PDE5A: variants seen among roughly 807,000 people sequenced by gnomAD.
PDE5A encodes the protein phosphodiesterase 5A, also known as cGMP-specific 3',5'-cyclic phosphodiesterase.
In PDE5A, 67 loss-of-function variants were observed where a neutral mutation model predicts 110.2. That is an observed-to-expected ratio of 0.61 (90% CI 0.50 to 0.75). The LOEUF is 0.75. Ranked by LOEUF, PDE5A falls within the 30% of genes least tolerant of loss-of-function variation. The probability of loss-of-function intolerance (pLI) is 0.00; values close to 1 mark genes in which losing one functional copy is unlikely to be tolerated. For synonymous variants in PDE5A, 328 were observed against 351.2 expected (o/e 0.93, Z 0.74); for missense variants, 862 against 1,045.1 (o/e 0.82, Z 2.42).
At position 119,627,947 on chromosome 4, in the gene PDE5A, G is replaced by A; in HGVS notation, c.152+573C>T. 1 of 615,926 alleles carries A rather than the reference G, an allele frequency of 1.6e-6. No homozygotes were observed. Among genetic ancestry groups the A allele is most frequent in the Non-Finnish European group, 2.0e-6 (1 of 491,592 alleles). 38.2% of individuals were successfully genotyped at this position (615,926 alleles called of 1,614,324 possible). A position where few individuals can be genotyped will look rare whatever the true frequency, so the allele number is the denominator to read the frequency against. Reference sequence around the variant, plus strand: ...CGGAAAAGCGAGTGAAAGGAGGCGCGCGGGACAAGCAGGAGACTGGAAGGG... The same window carrying A: ...CGGAAAAGCGAGTGAAAGGAGGCGCACGGGACAAGCAGGAGACTGGAAGGG... On this transcript the variant is annotated intron_variant, in intron 1 of 20. Transcript: ENST00000354960. The surrounding 1 kb of genome is among the most constrained non-coding windows in gnomAD (Gnocchi z 4.6).
chr4:119,508,131 G>A lies in PDE5A; in HGVS notation c.2089-427C>T, dbSNP rs183076993. 1.5e-3 allele frequency among the ~76,000 whole-genome samples: 233 copies of A among 151,948 alleles called. 1 individual carries two copies. The highest frequency in any genetic ancestry group is 3.4e-3 in the Middle Eastern group (1 of 294). ...TTAAATAAATCCAGTAACATTTCTG[G>A]TGCAAATTTATATAATTTTAACTTG... On this transcript the variant is annotated intron_variant, in intron 15 of 20. Transcript: ENST00000354960.
chr4:119,610,548 C>T (rs1310354260), intron 1 of PDE5A, among the ~76,000 whole-genome samples: 3 of 152,138 alleles, frequency 2.0e-5, no homozygotes, highest in Non-Finnish European at 2.9e-5. Context: ...GACAACTCCA[C>T]GTGGATATCT....
At chr4:119,513,361 A>G (rs1725812342) in intron 14 of PDE5A, among the ~76,000 whole-genome samples, 1 of 152,062 alleles carries the variant, frequency 6.6e-6, no homozygotes, top group Non-Finnish European at 1.5e-5. Flanking sequence ...GTCTTATTTC[A>G]TAAGACTCCT....
intron 15 of PDE5A, among the ~76,000 whole-genome samples, chr4:119,508,551 G>C (rs1725633780): frequency 6.6e-6 from 1 of 151,838 alleles, no homozygotes; most frequent in Admixed American, 6.6e-5. Flanking sequence ...AGAACTTCTG[G>C]GTATGTTAGG....
chr4:119,512,049 G>A (rs982503290), intron 14 of PDE5A, among the ~76,000 whole-genome samples: 1 of 151,940 alleles, frequency 6.6e-6, no homozygotes, highest in Non-Finnish European at 1.5e-5. Context: ...TACAAGTGTT[G>A]GATAATACAA....
chr4:119,517,885 C>T (rs1209510058), intron 14 of PDE5A, among the ~76,000 whole-genome samples: 2 of 152,038 alleles, frequency 1.3e-5, no homozygotes, highest in African/African-American at 4.8e-5. Context: ...TGTCCCCTTT[C>T]ATAATTATTC....
chr4:119,500,163 T>A (rs1052747562), intron 20 of PDE5A: 2 of 152,064 alleles, frequency 1.3e-5, no homozygotes, highest in African/African-American at 4.8e-5. Flanking sequence ...AACAATGCTC[T>A]GAACACACTT....
chr4:119,547,635 G>A (rs535216334), intron 9 of PDE5A, among the ~76,000 whole-genome samples: 1 of 151,980 alleles, frequency 6.6e-6, no homozygotes, highest in African/African-American at 2.4e-5. Context: ...TTTATGTTAT[G>A]TTAATAGAAC....
intron 1 of PDE5A, among the ~76,000 whole-genome samples, chr4:119,624,529 T>C (rs1351399221): frequency 6.6e-6 from 1 of 152,200 alleles, no homozygotes; most frequent in Non-Finnish European, 1.5e-5. Context: ...AAAACGTCTG[T>C]TTCTGGACTT....
At chr4:119,512,662 G>A (rs550916053) in intron 14 of PDE5A, among the ~76,000 whole-genome samples, 7 of 152,094 alleles carry the variant, frequency 4.6e-5, no homozygotes, top group African/African-American at 1.4e-4. Flanking sequence ...AAGGGGATGA[G>A]GGAGATAAAG....
chr4:119,549,219 G>A (rs1727251629), intron 9 of PDE5A: 1 of 152,176 alleles, frequency 6.6e-6, no homozygotes, highest in South Asian at 2.1e-4. Flanking sequence ...AAAAAACTCT[G>A]CAGGCATGCA....
At chr4:119,514,405 C>A (rs1200752648) in intron 14 of PDE5A, among the ~76,000 whole-genome samples, 1 of 152,044 alleles carries the variant, frequency 6.6e-6, no homozygotes, top group East Asian at 1.9e-4. Context: ...CTCTTTGTAA[C>A]CTTCAATCCC....
chr4:119,572,959 AATACATAAATCT>A (rs1728194250), intron 3 of PDE5A, among the ~76,000 whole-genome samples: 1 of 152,222 alleles, frequency 6.6e-6, no homozygotes. Flanking sequence ...TACTGTTAAA[AATACATAAATCT>A]ATACACAAAA....
intron 11 of PDE5A, among the ~76,000 whole-genome samples, chr4:119,529,795 A>G (rs1275284674): frequency 6.6e-6 from 1 of 152,162 alleles, no homozygotes. Context: ...CTATTTTGCA[A>G]CGAAAGCATG....
At chr4:119,552,345 A>G in intron 9 of PDE5A, 1 of 312,024 alleles carries the variant, frequency 3.2e-6, no homozygotes, top group Non-Finnish European at 5.8e-6. Flanking sequence ...CTGCTGAAAT[A>G]GGATAATAAT....
intron 9 of PDE5A, among the ~76,000 whole-genome samples, chr4:119,545,896 T>C (rs547649972): frequency 3.3e-5 from 5 of 152,306 alleles, no homozygotes; most frequent in African/African-American, 1.2e-4. Context: ...GCAAATACTT[T>C]TGTTTCTGCA....
chr4:119,507,547 TTGAAACAA>T, intron 16 of PDE5A, 49 bp downstream of exon 16: 1 of 1,169,884 alleles, frequency 8.5e-7, no homozygotes, highest in Non-Finnish European at 1.2e-6. Context: ...TGTCAAAAGT[TTGAAACAA>T]TGAAAAGACT....
Position 119,606,738 on chromosome 4 carries a change from C to T in PDE5A, c.712G>A (p.Glu238Lys). The change falls in exon 2 of 21, where the codon GAG becomes AAG. Residue 238 changes from glutamate to lysine, a missense_variant. By Grantham distance (56) the Glu-to-Lys change is moderately conservative (BLOSUM62 1). Transcript: ENST00000354960. ...GIVGHVAALG[E>K]PLNIKDAYED... ...TATGCATCTTTGATGTTCAAGGGCT[C>T]ACCAAGCGCTGCCACATGTCCCACA... The T allele has an allele frequency of 1.2e-6, 2 of 1,614,098 alleles. No homozygotes were observed. Among genetic ancestry groups the T allele is most frequent in the Non-Finnish European group, 1.7e-6 (2 of 1,179,988 alleles).
rs752046787 is a variant in PDE5A, at chr4:119,607,268, C to T, written c.182G>A (p.Arg61Lys). 6.2e-7 allele frequency: 1 copy of T among 1,612,202 alleles called. No individual in the cohort carries two copies. The highest frequency in any genetic ancestry group is 8.5e-7 in the Non-Finnish European group (1 of 1,179,836). The change falls in exon 2 of 21, where the codon AGA (arginine) becomes AAA (lysine). Residue 61 changes from arginine (R) to lysine (K), a missense_variant. Transcript: ENST00000354960. ...CTTGCACACAGGGATGGTGTGAACTCTCTCAGCAAACCATGCATTGACCAT... is the reference window on the plus strand; with the variant it reads ...CTTGCACACAGGGATGGTGTGAACTTTCTCAGCAAACCATGCATTGACCAT... ...REMVNAWFAE[R>K]VHTIPVCKEG... is the part of the protein sequence containing the mutation.
Sources: gnomAD v4.1 joint callset for allele counts (sites outside exome capture counted in the v4.1 genomes callset) on GRCh38, gnomAD v4.1.1 for gene constraint, Gnocchi (gnomAD v3.1) non-coding constraint, MANE v1.5 for transcripts, NCBI Gene and HGNC (gene_info 2026-07-23, HGNC 2026-07-21) for gene names.